Variants in PHACTR1 observed in about 807,000 individuals in gnomAD.
The protein encoded by PHACTR1 is phosphatase and actin regulator 1, also known as RPEL repeat containing 1.
A neutral mutation model predicts 69.2 loss-of-function variants in PHACTR1; 16 were observed. The observed-to-expected ratio is 0.23, with a 90% CI of 0.16 to 0.35. The LOEUF (loss-of-function observed/expected upper bound fraction) is 0.35. Among genes scored for constraint, PHACTR1 ranks in the 10% least tolerant of loss-of-function variants. The pLI, the probability that PHACTR1 is intolerant of heterozygous loss-of-function variation, is 1.00. For synonymous variants in PHACTR1, 312 were observed against 284.5 expected, an observed-to-expected ratio of 1.10 and a Z score of -0.97; for missense variants, 510 against 734.7, an observed-to-expected ratio of 0.69 and a Z score of 3.54.
At chr6:12,925,031 C>T (rs992114581) in intron 4 of PHACTR1, among the ~76,000 whole-genome samples, 1 of 152,126 alleles carries the variant, frequency 6.6e-6, no homozygotes, top group African/African-American at 2.4e-5. Context: ...GGTTTTGATT[C>T]ACATTCAGAT....
chr6:13,277,413 T>C (rs1779146679), intron 11 of PHACTR1, among the ~76,000 whole-genome samples: 2 of 152,204 alleles, frequency 1.3e-5, no homozygotes. Flanking sequence ...ATCGATGGAA[T>C]CAGGGCTTGT....
intron 3 of PHACTR1, among the ~76,000 whole-genome samples, chr6:12,727,774 G>A (rs1341853613): frequency 2.0e-5 from 3 of 152,174 alleles, no homozygotes; most frequent in Non-Finnish European, 4.4e-5. Context: ...GCTAGCAGAA[G>A]AAAGGATAGG....
intron 11 of PHACTR1, 175 bp from the exon 12 acceptor site, chr6:13,278,093 G>A (rs1779315954): frequency 3.7e-6 from 2 of 542,744 alleles, no homozygotes; most frequent in East Asian, 6.5e-5. Context: ...AACAACGCAG[G>A]TAGTTTGGAA....
chr6:12,983,356 T>C (rs971999216), intron 4 of PHACTR1, among the ~76,000 whole-genome samples: 2 of 152,122 alleles, frequency 1.3e-5, no homozygotes, highest in Non-Finnish European at 2.9e-5. Flanking sequence ...ACCTGGGTCT[T>C]GACAGTTATG....
At chr6:12,855,902 A>G (rs2127416430) in intron 4 of PHACTR1, among the ~76,000 whole-genome samples, 1 of 152,352 alleles carries the variant, frequency 6.6e-6, no homozygotes, top group East Asian at 1.9e-4. Context: ...AAGATTTATT[A>G]CTTTGGTTAC....
intron 4 of PHACTR1, among the ~76,000 whole-genome samples, chr6:12,934,825 G>T (rs888553524): frequency 1.3e-5 from 2 of 150,904 alleles, no homozygotes; most frequent in Non-Finnish European, 2.9e-5. Flanking sequence ...GACAGAATGA[G>T]ATCCTCTCTC....
At chr6:13,257,296 C>A (rs981963890) in intron 10 of PHACTR1, among the ~76,000 whole-genome samples, 1 of 152,002 alleles carries the variant, frequency 6.6e-6, no homozygotes, top group Admixed American at 6.6e-5. Context: ...TCATGAGAAA[C>A]CACCCCCATG....
intron 10 of PHACTR1, among the ~76,000 whole-genome samples, chr6:13,236,191 A>T (rs1222088521): frequency 6.6e-6 from 1 of 151,992 alleles, no homozygotes; most frequent in East Asian, 1.9e-4. Flanking sequence ...CTCTATGTAG[A>T]AGCTCTTGGA....
chr6:13,101,707 C>G (rs557610570), intron 5 of PHACTR1, among the ~76,000 whole-genome samples: 22 of 152,176 alleles, frequency 1.4e-4, no homozygotes, highest in Non-Finnish European at 2.6e-4. Context: ...AGCACGTGGG[C>G]TGACCAGCAA....
At chr6:12,972,915 T>G (rs963346443) in intron 4 of PHACTR1, among the ~76,000 whole-genome samples, 1 of 152,244 alleles carries the variant, frequency 6.6e-6, no homozygotes, top group South Asian at 2.1e-4. Flanking sequence ...CCTCCCAAAG[T>G]GTTGGGATTA....
In PHACTR1 at chr6:13,231,098, G is replaced by GGAA. The variant is rs1562037351; in HGVS notation, c.1391+906_1391+907insAAG. Among the ~76,000 whole-genome samples the GGAA allele has an allele frequency of 5.3e-3, 251 of 47,776 alleles. 22 individuals are homozygous for GGAA. The highest frequency in any genetic ancestry group is 7.9e-3 in the African/African-American group (114 of 14,466). The allele number at this position is 47,776 out of a possible 152,430, so 31.3% of individuals were successfully genotyped here. On this transcript the variant is annotated intron_variant, in intron 10 of 14. Coordinates refer to ENST00000332995, the MANE Select transcript of PHACTR1 (RefSeq NM_030948.6). ...AAGGAAGGAAGGAAGAAGGAAGGAAGGGAAAAGAAAGAAGGAAAGAGAGAA... is the reference window on the plus strand; with the variant it reads ...AAGGAAGGAAGGAAGAAGGAAGGAAGGAAGGAAAAGAAAGAAGGAAAGAGAGAA...
intron 4 of PHACTR1, among the ~76,000 whole-genome samples, chr6:12,989,437 C>T (rs1796565066): frequency 6.6e-6 from 1 of 152,120 alleles, no homozygotes; most frequent in African/African-American, 2.4e-5. Context: ...GCAGGTTATA[C>T]CAACATATAG....
chr6:12,856,836 C>T (rs1038587654), intron 4 of PHACTR1, among the ~76,000 whole-genome samples: 3 of 152,144 alleles, frequency 2.0e-5, no homozygotes, highest in African/African-American at 7.2e-5. Flanking sequence ...GCCAGAAGTA[C>T]CCAGAGGATT....
intron 4 of PHACTR1, among the ~76,000 whole-genome samples, chr6:12,889,005 G>A (rs1783906469): frequency 6.6e-6 from 1 of 152,166 alleles, no homozygotes; most frequent in African/African-American, 2.4e-5. Context: ...AGGCATGGTG[G>A]CTCACACCTG....
intron 3 of PHACTR1, among the ~76,000 whole-genome samples, chr6:12,735,311 T>G (rs1235466005): frequency 6.6e-6 from 1 of 152,102 alleles, no homozygotes. Context: ...TGACCTAACC[T>G]CAGAAGTGAT....
intron 4 of PHACTR1, among the ~76,000 whole-genome samples, chr6:12,831,639 T>C (rs766366736): frequency 3.9e-5 from 6 of 152,186 alleles, no homozygotes; most frequent in Admixed American, 6.5e-5. Context: ...GAAATTGTTC[T>C]ATGTTTCATC....
intron 4 of PHACTR1, among the ~76,000 whole-genome samples, chr6:12,798,083 C>A (rs529215155): frequency 6.6e-6 from 1 of 151,742 alleles, no homozygotes; most frequent in East Asian, 1.9e-4. Context: ...TACATAAGCT[C>A]TATAAGGGGA....
chr6:13,250,308 C>T (rs753473489), intron 10 of PHACTR1, among the ~76,000 whole-genome samples: 1 of 152,182 alleles, frequency 6.6e-6, no homozygotes, highest in Non-Finnish European at 1.5e-5. Context: ...CTAAATTCAT[C>T]CTCACACACA....
intron 5 of PHACTR1, among the ~76,000 whole-genome samples, chr6:13,127,801 T>C (rs1819775099): frequency 6.6e-6 from 1 of 152,176 alleles, no homozygotes; most frequent in South Asian, 2.1e-4. Context: ...GTTGGCAGCA[T>C]AGCATAATGT....
Sources: allele counts gnomAD v4.1 joint callset (sites outside exome capture counted in the v4.1 genomes callset), GRCh38; gene constraint gnomAD v4.1.1; transcripts MANE v1.5; gene names NCBI Gene and HGNC (gene_info 2026-07-23, HGNC 2026-07-21).